The following NRF1 variants were observed in gnomAD, a reference collection of about 807,000 sequenced individuals.
The protein encoded by NRF1 is nuclear respiratory factor 1, also known as alpha palindromic-binding protein.
Under a neutral mutation model 58.5 loss-of-function variants are expected in NRF1, and 5 were observed. That is an observed-to-expected ratio of 0.09 (90% CI 0.04 to 0.18). NRF1 has a LOEUF of 0.18. NRF1 is among the 10% of genes least tolerant of loss of function. The pLI is 1.00. For synonymous variants in NRF1, 224 were observed against 246.7 expected (o/e 0.91, Z 0.86); for missense variants, 288 against 657.7 (o/e 0.44, Z 6.15).
intron 1 of NRF1, among the ~76,000 whole-genome samples, chr7:129,647,860 C>T (rs950608405): frequency 2.6e-5 from 4 of 152,324 alleles, no homozygotes; most frequent in Admixed American, 6.5e-5. Flanking sequence ...AGTTTGTCTT[C>T]CTCAAGGCAA....
At chr7:129,698,705 G>C (rs142588026) in intron 5 of NRF1, among the ~76,000 whole-genome samples, 17 of 152,296 alleles carry the variant, frequency 1.1e-4, no homozygotes, top group Non-Finnish European at 1.5e-4. Context: ...TTCAAATGCA[G>C]ATTAGGAATC....
Position 129,663,730 on chromosome 7 carries a change from G to C in NRF1, c.223+6156G>C, listed in dbSNP as rs1452817018. On this transcript the variant is annotated intron_variant, in intron 2 of 10. Coordinates refer to ENST00000393232, the MANE Select transcript of NRF1 (RefSeq NM_005011.5). The stretch of plus-strand genomic sequence containing the variant: ...GCTCACTTCCTAGACGGGGTGGCGG[G>C]CGGGCAGAGGCTGTAATCTTAGCAC... Among the ~76,000 whole-genome samples, 3 of 151,950 alleles carry C rather than the reference G, an allele frequency of 2.0e-5. 1 individual carries two copies. The highest frequency in any genetic ancestry group is 7.3e-5 in the African/African-American group (3 of 41,370).
At chr7:129,727,206 A>G (rs778485788) in intron 9 of NRF1, 35 bp from the exon 10 acceptor site, 16 of 1,550,908 alleles carry the variant, frequency 1.0e-5, no homozygotes, top group Non-Finnish European at 2.6e-6. Flanking sequence ...CTGTTCCTCT[A>G]TTCATCATCC....
chr7:129,729,668 C>T (rs947805509), intron 10 of NRF1, among the ~76,000 whole-genome samples: 8 of 152,328 alleles, frequency 5.3e-5, no homozygotes, highest in African/African-American at 1.9e-4. Flanking sequence ...TGATAATCCT[C>T]TTATCTTCTA....
chr7:129,705,637 T>C (rs1802931205), intron 5 of NRF1, among the ~76,000 whole-genome samples: 1 of 152,078 alleles, frequency 6.6e-6, no homozygotes, highest in South Asian at 2.1e-4. Context: ...GAAGTGAGTC[T>C]GAGTGCACTG....
chr7:129,738,669 C>T (rs989688883), intron 10 of NRF1, among the ~76,000 whole-genome samples: 1 of 152,172 alleles, frequency 6.6e-6, no homozygotes, highest in African/African-American at 2.4e-5. Context: ...CTGCTACAAC[C>T]ACCACCACTG....
chr7:129,645,451 G>GA (rs1801383759), intron 1 of NRF1, among the ~76,000 whole-genome samples: 1 of 152,034 alleles, frequency 6.6e-6, no homozygotes, highest in Admixed American at 6.6e-5. Context: ...TGTATAATAA[G>GA]AAAAAAGAAT....
intron 5 of NRF1, among the ~76,000 whole-genome samples, chr7:129,693,235 G>T (rs529501907): frequency 1.3e-5 from 2 of 152,348 alleles, no homozygotes; most frequent in South Asian, 4.1e-4. Context: ...TTTACTCAGT[G>T]TGGACGCTGA....
intron 1 of NRF1, among the ~76,000 whole-genome samples, chr7:129,642,826 T>G (rs968514241): frequency 6.7e-6 from 1 of 148,918 alleles, no homozygotes; most frequent in Non-Finnish European, 1.5e-5. Context: ...AGTGGTGCAA[T>G]CTCAAGTCAC....
In NRF1 at chr7:129,710,511, A is replaced by G. The variant is rs759048087; in HGVS notation, c.903A>G (p.Val301=). The part of the protein sequence containing the change: ...ATATHSIAHL[V]PSQTVVQTFS... Reference sequence around the variant, plus strand: ...CCACACATAGTATAGCTCATCTTGTACCATCACAGACTGTAGTCCAGACTT... The same window carrying G: ...CCACACATAGTATAGCTCATCTTGTGCCATCACAGACTGTAGTCCAGACTT... Residue 301 remains valine (V), a synonymous_variant, in exon 7 of 11, where the codon GTA becomes GTG. Transcript: ENST00000393232. 6.2e-7 allele frequency: 1 copy of G among 1,607,348 alleles called. No individual in the cohort carries two copies. Among genetic ancestry groups the G allele is most frequent in the South Asian group, 1.1e-5 (1 of 90,918 alleles).
rs1286102393 is a variant in NRF1, at chr7:129,619,394, GTGTATA to G, written c.-7+7572_-7+7577del. ...GGGATAAAAACTGGACTTGGCATAC[GTGTATA>G]TATATATATATATATATATATATAT... is the stretch of plus-strand genomic sequence containing the variant. On this transcript the variant is annotated intron_variant, in intron 1 of 10. Transcript: ENST00000393232. Among the ~76,000 whole-genome samples the G allele has an allele frequency of 4.0e-3, 185 of 46,562 alleles. 5 individuals are homozygous for G. Among genetic ancestry groups the G allele is most frequent in the Middle Eastern group, 0.015 (1 of 68 alleles). The allele number at this position is 46,562 out of a possible 152,430, so 30.5% of individuals were successfully genotyped here. A position where few individuals can be genotyped will look rare whatever the true frequency, so the allele number is the denominator to read the frequency against.
chr7:129,709,301 C>T (rs1297189788), intron 6 of NRF1, 68 bp downstream of exon 6: 1 of 1,308,388 alleles, frequency 7.6e-7, no homozygotes, highest in Non-Finnish European at 1.0e-6. Flanking sequence ...CAATTTTTGT[C>T]ATTTCTACAT....
chr7:129,711,599 A>G, intron 8 of NRF1, 23 bp downstream of exon 8: 2 of 1,562,146 alleles, frequency 1.3e-6, no homozygotes, highest in African/African-American at 1.3e-5. Flanking sequence ...TTCCATCTGC[A>G]TCTTCTTAAA....
intron 5 of NRF1, among the ~76,000 whole-genome samples, chr7:129,699,740 G>GA (rs935140350): frequency 4.1e-5 from 6 of 146,172 alleles, no homozygotes; most frequent in Admixed American, 1.4e-4. Context: ...CAAAAAAAAA[G>GA]AAAAAAAAAG....
At chr7:129,639,267 C>T (rs1382319509) in intron 1 of NRF1, among the ~76,000 whole-genome samples, 1 of 151,952 alleles carries the variant, frequency 6.6e-6, no homozygotes. Context: ...ACTATTTTGG[C>T]CAGGCTGCTC....
At chr7:129,636,387 C>G (rs2151064835) in intron 1 of NRF1, among the ~76,000 whole-genome samples, 1 of 152,028 alleles carries the variant, frequency 6.6e-6, no homozygotes. Context: ...GGTGTGTGCC[C>G]CACACCCGAC....
At chr7:129,648,835 T>G (rs535776397) in intron 1 of NRF1, among the ~76,000 whole-genome samples, 16 of 152,192 alleles carry the variant, frequency 1.1e-4, no homozygotes, top group Non-Finnish European at 2.1e-4. Context: ...TTTTACCTGC[T>G]GTTTTGTATT....
At chr7:129,725,793 A>G (rs1803439801) in intron 9 of NRF1, among the ~76,000 whole-genome samples, 1 of 152,250 alleles carries the variant, frequency 6.6e-6, no homozygotes. Context: ...ATAAAAATTA[A>G]AAAGCAAGAC....
rs778952854 is a variant in NRF1 at position 129,741,815 on chromosome 7, A to G, written c.1349-13203A>G. Among the ~76,000 whole-genome samples, 8 of 152,202 alleles carry G rather than the reference A, an allele frequency of 5.3e-5. No homozygotes were observed. The highest frequency in any genetic ancestry group is 1.2e-4 in the Non-Finnish European group (8 of 68,038). The stretch of plus-strand genomic sequence containing the variant: ...GCTCTCAGGTTACCTGTGTAAATAC[A>G]GGGATTCACTTGCCAGCACCCAGCT... On this transcript the variant is annotated intron_variant, in intron 10 of 10. Transcript: ENST00000393232. The surrounding 1 kb of genome is among the most constrained non-coding windows in gnomAD (Gnocchi z 4.0).
Sources: gnomAD v4.1 joint callset for allele counts (sites outside exome capture counted in the v4.1 genomes callset) on GRCh38, gnomAD v4.1.1 for gene constraint, Gnocchi (gnomAD v3.1) non-coding constraint, MANE v1.5 for transcripts, NCBI Gene and HGNC (gene_info 2026-07-23, HGNC 2026-07-21) for gene names.